Variants in PTPRU observed in about 807,000 individuals in gnomAD.
PTPRU encodes the protein protein tyrosine phosphatase receptor type U, also known as receptor-type tyrosine-protein phosphatase U.
In PTPRU, 69 loss-of-function variants were observed where a neutral mutation model predicts 166.3. The ratio of observed to expected loss-of-function variants is 0.41; its 90% CI spans 0.34 to 0.51. The LOEUF (loss-of-function observed/expected upper bound fraction) is 0.51, where lower values mean the gene tolerates loss of function less well. Ranked by LOEUF, PTPRU falls within the 20% of genes least tolerant of loss-of-function variation. The pLI is 0.09. For missense variants in PTPRU, 1,657 were observed against 2,013.7 expected (o/e 0.82, Z 3.39); for synonymous variants, 793 against 814.0 (o/e 0.97, Z 0.44).
chr1:29,288,753 A>G (rs1338072069), intron 14 of PTPRU, among the ~76,000 whole-genome samples: 1 of 152,070 alleles, frequency 6.6e-6, no homozygotes, highest in Non-Finnish European at 1.5e-5. Context: ...GGGAGCACAG[A>G]GGAAGTTCCA....
At chr1:29,307,749 CTTTTTTTTTTTT>C (rs201782011) in intron 18 of PTPRU, among the ~76,000 whole-genome samples, 2 of 117,246 alleles carry the variant, frequency 1.7e-5, no homozygotes, top group East Asian at 2.3e-4. Flanking sequence ...AAATATTATG[CTTTTTTTTTTTT>C]TTTTTTTTTT....
intron 16 of PTPRU, among the ~76,000 whole-genome samples, chr1:29,304,507 G>C (rs1687290814): frequency 6.6e-6 from 1 of 152,104 alleles, no homozygotes; most frequent in Non-Finnish European, 1.5e-5. Flanking sequence ...TTCTAAGCCT[G>C]ACCCTTATTC....
At chr1:29,262,375 CG>C (rs2151946219) in intron 7 of PTPRU, among the ~76,000 whole-genome samples, 1 of 152,186 alleles carries the variant, frequency 6.6e-6, no homozygotes, top group Admixed American at 6.5e-5. Flanking sequence ...TTTTAGTATA[CG>C]GTAGTCCCCG....
chr1:29,246,228 T>A (rs1051978752), intron 1 of PTPRU, among the ~76,000 whole-genome samples: 3 of 152,264 alleles, frequency 2.0e-5, no homozygotes, highest in African/African-American at 7.2e-5. Flanking sequence ...GCACCACTGC[T>A]GCTGAAACGC....
intron 21 of PTPRU, among the ~76,000 whole-genome samples, 159 bp from the exon 22 acceptor site, chr1:29,312,393 A>G (rs1215563360): frequency 1.3e-5 from 2 of 152,202 alleles, no homozygotes; most frequent in Admixed American, 1.3e-4. Flanking sequence ...TCTTGTTTGT[A>G]CAATGGGACA....
chr1:29,248,121 A>G (rs564051690), intron 1 of PTPRU, among the ~76,000 whole-genome samples: 1 of 152,150 alleles, frequency 6.6e-6, no homozygotes, highest in South Asian at 2.1e-4. Flanking sequence ...ATGGTCCTAG[A>G]GCTGGGTGTG....
At chr1:29,252,917 G>T (rs889240662) in intron 1 of PTPRU, among the ~76,000 whole-genome samples, 4 of 152,192 alleles carry the variant, frequency 2.6e-5, no homozygotes, top group Non-Finnish European at 4.4e-5. Flanking sequence ...ACAAGAGTCA[G>T]ATCCCATGGG....
At position 29,305,207 on chromosome 1, in the gene PTPRU, C is replaced by G; in HGVS notation, c.2744-145C>G. The G allele has an allele frequency of 5.4e-6, 4 of 742,804 alleles. No homozygotes were observed. In the South Asian group the frequency reaches 6.8e-5, roughly 13 times the overall value. The allele number at this position is 742,804 out of a possible 1,614,324, so 46.0% of individuals were successfully genotyped here. The stretch of plus-strand genomic sequence containing the variant: ...TGGTGTGTCCTGCCTCCCATGGTGC[C>G]CAGAGACTACTGGTAAGCCCTGAGA... On this transcript the variant is annotated intron_variant, in intron 17 of 29. Transcript: ENST00000373779.
rs370997754 is a variant in PTPRU at position 29,311,444 on chromosome 1, C to T, written c.2858-12C>T. On this transcript the variant is annotated splice_polypyrimidine_tract_variant and intron_variant, in intron 19 of 29. Transcript: ENST00000373779. This position sits in a 1 kb window ranked among gnomAD's most constrained non-coding sequence, Gnocchi z 4.1. ...TGTCTCAGGGACAGGCACCCTCTGC[C>T]TGCATCCCCAGGGCCGAAGCCTGAG... 3.1e-6 allele frequency: 5 copies of T among 1,613,672 alleles called. No individual in the cohort carries two copies. The highest frequency in any genetic ancestry group is 3.3e-5 in the Admixed American group (2 of 60,006).
chr1:29,261,690 G>A (rs1420599743), intron 7 of PTPRU, among the ~76,000 whole-genome samples: 1 of 152,088 alleles, frequency 6.6e-6, no homozygotes, highest in Non-Finnish European at 1.5e-5. Context: ...GCTCCACCAT[G>A]CCTGGCTAAT....
intron 8 of PTPRU, among the ~76,000 whole-genome samples, chr1:29,277,097 CTT>C (rs1163315242): frequency 1.3e-5 from 2 of 152,058 alleles, no homozygotes; most frequent in African/African-American, 4.8e-5. Flanking sequence ...GCAATTGGGA[CTT>C]TTCTTTTTTG....
rs1318153690 is a variant in PTPRU, at chr1:29,260,990, T to G, written c.1144+87T>G. On this transcript the variant is annotated intron_variant, in intron 7 of 29. Coordinates refer to ENST00000373779, the MANE Select transcript of PTPRU (RefSeq NM_133178.4). This position sits in a 1 kb window ranked among gnomAD's most constrained non-coding sequence, Gnocchi z 8.3. ...ATTCGAGAGGTAGCGTGGCCTGTGC[T>G]TGTAAACCTTTCTAAAACATTGTGA... 1 of 1,349,940 alleles carries G rather than the reference T, an allele frequency of 7.4e-7. No individual in the cohort carries two copies. The allele number at this position is 1,349,940 out of a possible 1,614,324, so 83.6% of individuals were successfully genotyped here.
intron 25 of PTPRU, among the ~76,000 whole-genome samples, chr1:29,319,024 C>T (rs1688028343): frequency 6.6e-6 from 1 of 152,132 alleles, no homozygotes; most frequent in Non-Finnish European, 1.5e-5. Context: ...AAGAGGGTAA[C>T]CACCCAGGGG....
chr1:29,303,421 A>G (rs76810948), intron 15 of PTPRU, among the ~76,000 whole-genome samples: 5,990 of 152,256 alleles, frequency 0.039, 137 homozygotes, highest in South Asian at 0.076. Flanking sequence ...AGCAGCTGCT[A>G]ATTTCTGATT....
Position 29,262,033 on chromosome 1 carries a change from G to A in PTPRU, c.1144+1130G>A, listed in dbSNP as rs1574627541. 3.3e-5 allele frequency among the ~76,000 whole-genome samples: 5 copies of A among 152,260 alleles called. 1 individual carries two copies. The highest frequency in any genetic ancestry group is 3.3e-4 in the Admixed American group (5 of 15,296). On this transcript the variant is annotated intron_variant, in intron 7 of 29. Coordinates refer to ENST00000373779, the MANE Select transcript of PTPRU (RefSeq NM_133178.4). ...TATTCAGACTTTTCTGGTTTTGCTT[G>A]TACTTGTTTGTGTGTGTGTATATGT...
chr1:29,313,656 G>A (rs1467741665), intron 22 of PTPRU, among the ~76,000 whole-genome samples: 1 of 152,096 alleles, frequency 6.6e-6, no homozygotes, highest in Admixed American at 6.5e-5. Flanking sequence ...CAAAGTTCGA[G>A]ACCAGCCTGG....
chr1:29,264,482 G>C (rs1474764403), intron 7 of PTPRU, among the ~76,000 whole-genome samples: 1 of 151,454 alleles, frequency 6.6e-6, no homozygotes, highest in Non-Finnish European at 1.5e-5. Context: ...TTCAAATGTG[G>C]TGTGAGGTAG....
rs1367273378 is a variant in PTPRU, at chr1:29,241,655, C to T, written c.73+4938C>T. Reference sequence around the variant, plus strand: ...TGTCACCCAGGCTGGAGTGCAGTGGCGTGATCTTGGCTCATTGCAACCTCC... The same window carrying T: ...TGTCACCCAGGCTGGAGTGCAGTGGTGTGATCTTGGCTCATTGCAACCTCC... On this transcript the variant is annotated intron_variant, in intron 1 of 29. Coordinates refer to ENST00000373779, the MANE Select transcript of PTPRU (RefSeq NM_133178.4). Among the ~76,000 whole-genome samples the T allele has an allele frequency of 3.3e-5, 5 of 150,906 alleles. No individual in the cohort carries two copies. In the East Asian group the frequency reaches 5.8e-4, roughly 18 times the overall value.
chr1:29,287,593 GTTTTTT>G (rs34816026), intron 14 of PTPRU, among the ~76,000 whole-genome samples: 1 of 129,918 alleles, frequency 7.7e-6, no homozygotes, highest in Non-Finnish European at 1.7e-5. Flanking sequence ...GTGTATGTAT[GTTTTTT>G]TTTTTTTTTT....
Sources: gnomAD v4.1 joint callset for allele counts (sites outside exome capture counted in the v4.1 genomes callset) on GRCh38, gnomAD v4.1.1 for gene constraint, Gnocchi (gnomAD v3.1) non-coding constraint, MANE v1.5 for transcripts, NCBI Gene and HGNC (gene_info 2026-07-23, HGNC 2026-07-21) for gene names.